Variants in ADAM28 observed in about 807,000 individuals in gnomAD.
ADAM28 encodes the protein ADAM metallopeptidase domain 28.
A neutral mutation model predicts 101.2 loss-of-function variants in ADAM28; 105 were observed. That is an observed-to-expected ratio of 1.04 (90% CI 0.89 to 1.22). The LOEUF (loss-of-function observed/expected upper bound fraction) is 1.22, where lower values mean the gene tolerates loss of function less well. Among genes scored for constraint, ADAM28 ranks in the 50% most tolerant of loss-of-function variants. ADAM28 has a pLI of 0.00. For synonymous variants in ADAM28, 322 were observed against 310.6 expected (o/e 1.04, Z -0.39); for missense variants, 1,028 against 945.4 (o/e 1.09, Z -1.15).
At chr8:24,299,853 A>T in intron 1 of ADAM28, 121 bp from the exon 2 acceptor site, 1 of 678,382 alleles carries the variant, frequency 1.5e-6, no homozygotes, top group Non-Finnish European at 2.5e-6. Flanking sequence ...TCACTCTGAC[A>T]TTCATCACTT....
intron 4 of ADAM28, among the ~76,000 whole-genome samples, chr8:24,310,598 A>G (rs925678494): frequency 8.5e-5 from 13 of 152,248 alleles, no homozygotes; most frequent in African/African-American, 2.9e-4. Flanking sequence ...TATTTCCTCA[A>G]TGGCAATTGC....
chr8:24,310,079 G>T, intron 3 of ADAM28, 84 bp from the exon 4 acceptor site: 1 of 1,531,234 alleles, frequency 6.5e-7, no homozygotes. Flanking sequence ...ACTAATCAGC[G>T]TTTGCTCTCA....
intron 9 of ADAM28, among the ~76,000 whole-genome samples, chr8:24,324,884 A>T (rs1404306678): frequency 2.0e-5 from 3 of 152,000 alleles, no homozygotes; most frequent in Non-Finnish European, 4.4e-5. Flanking sequence ...TTCAAGAGGC[A>T]TGAGATAATG....
At position 24,350,227 on chromosome 8, in the gene ADAM28, A is replaced by G. The variant is rs142520811; in HGVS notation, c.2099+255A>G. On this transcript the variant is annotated intron_variant, in intron 19 of 22. Transcript: ENST00000265769. The stretch of plus-strand genomic sequence containing the variant: ...AATAAGAGTGATATTAACTCTCATT[A>G]TGACAGATTTTTTGAATTTGTTGTA... 6.2e-3 allele frequency among the ~76,000 whole-genome samples: 941 copies of G among 152,232 alleles called. 12 individuals are homozygous for G. The highest frequency in any genetic ancestry group is 0.021 in the African/African-American group (893 of 41,538).
chr8:24,336,964 C>T (rs530213971), intron 14 of ADAM28, among the ~76,000 whole-genome samples: 215 of 152,204 alleles, frequency 1.4e-3, no homozygotes, highest in African/African-American at 5.0e-3. Context: ...GGGGTCATTG[C>T]GTGCCAGAAA....
rs1263122109 is a variant in ADAM28 at position 24,357,190 on chromosome 8, A to G, written c.*2786A>G. The G allele has an allele frequency of 6.6e-6, 1 of 152,134 alleles. No homozygotes were observed. The highest frequency in any genetic ancestry group is 1.5e-5 in the Non-Finnish European group (1 of 68,030). The allele number at this position is 152,134 out of a possible 1,614,324, so 9.4% of individuals were successfully genotyped here. A position where few individuals can be genotyped will look rare whatever the true frequency, so the allele number is the denominator to read the frequency against. On this transcript the variant is annotated 3_prime_UTR_variant, in exon 23 of 23. Transcript: ENST00000265769. ...CTTGTGAGACACCCTGAAGTAGAGG[A>G]TGCAGCTAAATTTTGTCCAGATTAC...
Position 24,356,613 on chromosome 8 carries a change from C to A in ADAM28, c.*2209C>A, listed in dbSNP as rs578204420. ...AGCTCAACTGCAGAATAGTTTAGAA[C>A]AGACTTTTTGATTTCACAATACTGT... On this transcript the variant is annotated 3_prime_UTR_variant, in exon 23 of 23. Transcript: ENST00000265769. 6.6e-6 allele frequency: 1 copy of A among 152,142 alleles called. No individual in the cohort carries two copies. The highest frequency in any genetic ancestry group is 1.5e-5 in the Non-Finnish European group (1 of 68,000). 9.4% of individuals were successfully genotyped at this position (152,142 alleles called of 1,614,324 possible). A position where few individuals can be genotyped will look rare whatever the true frequency, so the allele number is the denominator to read the frequency against.
At chr8:24,347,423 A>G (rs1438005193) in intron 18 of ADAM28, among the ~76,000 whole-genome samples, 2 of 152,054 alleles carry the variant, frequency 1.3e-5, no homozygotes, top group South Asian at 4.1e-4. Context: ...GAGAGTATTC[A>G]TTTATATTCT....
intron 5 of ADAM28, among the ~76,000 whole-genome samples, chr8:24,312,570 A>C (rs1479148214): frequency 1.3e-5 from 2 of 152,020 alleles, no homozygotes; most frequent in Non-Finnish European, 2.9e-5. Context: ...AATTTTATGT[A>C]CATTTAATTC....
intron 14 of ADAM28, among the ~76,000 whole-genome samples, chr8:24,336,312 G>A (rs958991787): frequency 5.3e-5 from 8 of 151,780 alleles, no homozygotes; most frequent in Non-Finnish European, 8.8e-5. Flanking sequence ...GGCCAGGTGC[G>A]GTGGCTCACA....
chr8:24,329,750 A>T (rs1466031720), intron 10 of ADAM28, among the ~76,000 whole-genome samples: 1 of 152,050 alleles, frequency 6.6e-6, no homozygotes, highest in African/African-American at 2.4e-5. Context: ...AACTAGAACA[A>T]TTTCCTTCAT....
At chr8:24,333,884 T>C (rs969496846) in intron 13 of ADAM28, among the ~76,000 whole-genome samples, 1 of 152,190 alleles carries the variant, frequency 6.6e-6, no homozygotes, top group African/African-American at 2.4e-5. Flanking sequence ...TCAGATTGAC[T>C]CCTAAGGCCA....
intron 9 of ADAM28, chr8:24,325,166 T>C (rs1812373794): frequency 6.6e-6 from 1 of 151,920 alleles, no homozygotes; most frequent in Non-Finnish European, 1.5e-5. Flanking sequence ...TGGTAAGTAA[T>C]AAGGGAGCCA....
intron 14 of ADAM28, 145 bp from the exon 15 acceptor site, chr8:24,339,321 T>A: frequency 1.6e-6 from 1 of 628,824 alleles, no homozygotes; most frequent in South Asian, 2.0e-5. Context: ...GTCAATGGAA[T>A]TATGCTAAAA....
At chr8:24,330,309 G>C (rs981215014) in intron 11 of ADAM28, among the ~76,000 whole-genome samples, 194 bp downstream of exon 11, 1 of 152,096 alleles carries the variant, frequency 6.6e-6, no homozygotes, top group Non-Finnish European at 1.5e-5. Flanking sequence ...TTGTCTCTTT[G>C]CTGATGGGGC....
At position 24,356,888 on chromosome 8, in the gene ADAM28, G is replaced by T. The variant is rs1415112578; in HGVS notation, c.*2484G>T. The T allele has an allele frequency of 6.6e-6, 1 of 152,120 alleles. No homozygotes were observed. Among genetic ancestry groups the T allele is most frequent in the East Asian group, 1.9e-4 (1 of 5,196 alleles). The allele number at this position is 152,120 out of a possible 1,614,324, so 9.4% of individuals were successfully genotyped here. A position where few individuals can be genotyped will look rare whatever the true frequency, so the allele number is the denominator to read the frequency against. On this transcript the variant is annotated 3_prime_UTR_variant, in exon 23 of 23. Coordinates refer to ENST00000265769, the MANE Select transcript of ADAM28 (RefSeq NM_014265.6). ...TATATGGCCTTTGGGAAGGCTTTTA[G>T]CTTTTTATAAAATAATGAAGTATGC... is the stretch of plus-strand genomic sequence containing the variant.
rs1563335694 is a variant in ADAM28 at position 24,354,479 on chromosome 8, T to C, written c.*75T>C. Reference sequence around the variant, plus strand: ...GGAAAATCTGGATGGCAGAGAAATATACTATCTATCTCACCAGTATTTGCT... The same window carrying C: ...GGAAAATCTGGATGGCAGAGAAATACACTATCTATCTCACCAGTATTTGCT... On this transcript the variant is annotated 3_prime_UTR_variant, in exon 23 of 23. Transcript: ENST00000265769. The C allele has an allele frequency of 2.3e-6, 3 of 1,329,484 alleles. No individual in the cohort carries two copies. The highest frequency in any genetic ancestry group is 3.0e-6 in the Non-Finnish European group (3 of 1,009,712). 82.4% of individuals were successfully genotyped at this position (1,329,484 alleles called of 1,614,324 possible).
chr8:24,318,819 A>T (rs1273081649), intron 6 of ADAM28, among the ~76,000 whole-genome samples: 1 of 152,010 alleles, frequency 6.6e-6, no homozygotes, highest in African/African-American at 2.4e-5. Context: ...CCAAGGTGCC[A>T]TCTCATAATA....
At position 24,306,355 on chromosome 8, in the gene ADAM28, A is replaced by ATATATATAT. The variant is rs1489348958; in HGVS notation, c.151-3539_151-3538insTATATATAT. ...TGAGACTCCATCTCAAATACAAATAAATAAATAAATATATATATATATATA... is the reference window on the plus strand; with the variant it reads ...TGAGACTCCATCTCAAATACAAATAATATATATATATAAATAAATATATATATATATATA... On this transcript the variant is annotated intron_variant, in intron 2 of 22. Transcript: ENST00000265769. Among the ~76,000 whole-genome samples the ATATATATAT allele has an allele frequency of 4.0e-3, 430 of 107,584 alleles. 21 individuals are homozygous for ATATATATAT. The highest frequency in any genetic ancestry group is 0.011 in the African/African-American group (292 of 25,576). 70.6% of individuals were successfully genotyped at this position (107,584 alleles called of 152,430 possible).
Sources: allele counts gnomAD v4.1 joint callset (sites outside exome capture counted in the v4.1 genomes callset), GRCh38; gene constraint gnomAD v4.1.1; transcripts MANE v1.5; gene names NCBI Gene and HGNC (gene_info 2026-07-23, HGNC 2026-07-21).